Variants in DCAKD observed in about 807,000 individuals in gnomAD.
DCAKD encodes dephospho-CoA kinase domain-containing protein.
Under a neutral mutation model 18.7 loss-of-function variants are expected in DCAKD, and 15 were observed. The ratio of observed to expected loss-of-function variants is 0.80; its 90% confidence interval spans 0.54 to 1.24. DCAKD has a LOEUF of 1.24. Ranked by LOEUF, DCAKD falls within the 50% of genes most tolerant of loss-of-function variation. The pLI is 0.00. For synonymous variants in DCAKD, 130 were observed against 133.0 expected (o/e 0.98, Z 0.16); for missense variants, 301 against 322.0 (o/e 0.93, Z 0.50).
intron 3 of DCAKD, among the ~76,000 whole-genome samples, chr17:45,032,989 C>T (rs1447327574): frequency 6.6e-6 from 1 of 152,190 alleles, no homozygotes; most frequent in Non-Finnish European, 1.5e-5. Flanking sequence ...CCTCCCACTT[C>T]TGGTGACTGA....
rs1266863433 is a variant in DCAKD, at chr17:45,030,185, G to A, written c.317-6C>T. 1.9e-6 allele frequency: 3 copies of A among 1,613,800 alleles called. No individual in the cohort carries two copies. The highest frequency in any genetic ancestry group is 2.2e-5 in the East Asian group (1 of 44,870). On this transcript the variant is annotated splice_region_variant and splice_polypyrimidine_tract_variant and intron_variant, in intron 3 of 4. Transcript: ENST00000651974. Reference sequence around the variant, plus strand: ...CAGAATCACGTAGCGGTATCCTGGGGAGAGGTTGGAAATCCCCCAAGTTCA... The same window carrying A: ...CAGAATCACGTAGCGGTATCCTGGGAAGAGGTTGGAAATCCCCCAAGTTCA...
At chr17:45,033,952 C>T (rs765861818) in intron 3 of DCAKD, 17 of 1,560,828 alleles carry the variant, frequency 1.1e-5, no homozygotes, top group Admixed American at 3.6e-5. Context: ...GCTCATGGCT[C>T]GAAAGCCTCA....
rs140561456 is a variant in DCAKD, at chr17:45,030,033, G to A, written c.404+59C>T. 793 of 1,472,624 alleles carry A rather than the reference G, an allele frequency of 5.4e-4. 5 individuals are homozygous for A. The African/African-American group carries it at 9.4e-3, about 17-fold the overall frequency. The allele number at this position is 1,472,624 out of a possible 1,614,324, so 91.2% of individuals were successfully genotyped here. On this transcript the variant is annotated intron_variant, in intron 4 of 4. Coordinates refer to ENST00000651974, the MANE Select transcript of DCAKD (RefSeq NM_001288655.2). ...AAGGGCAAAGTGCAAAATGATGTGG[G>A]CTGTTTCCCAGATACCCCCATGGTC...
At chr17:45,034,719 C>A in intron 2 of DCAKD, 55 bp downstream of exon 2, 1 of 1,570,754 alleles carries the variant, frequency 6.4e-7, no homozygotes. Context: ...TGGCAGAAGG[C>A]CGGAAGCGTG....
In DCAKD at chr17:45,026,862, C is replaced by T. The variant is rs1351993651; in HGVS notation, c.405-2138G>A. On this transcript the variant is annotated intron_variant, in intron 4 of 4. Coordinates refer to ENST00000651974, the MANE Select transcript of DCAKD (RefSeq NM_001288655.2). Reference sequence around the variant, plus strand: ...GTGTGAGATTAGAGATGGCCTGGGGCTCCCAGTAGGTGCACATCCTCCTGA... The same window carrying T: ...GTGTGAGATTAGAGATGGCCTGGGGTTCCCAGTAGGTGCACATCCTCCTGA... 8 of 980,746 alleles carry T rather than the reference C, an allele frequency of 8.2e-6. No individual in the cohort carries two copies. The East Asian group carries it at 4.5e-4, about 56-fold the overall frequency. 60.8% of individuals were successfully genotyped at this position (980,746 alleles called of 1,614,324 possible). A position where few individuals can be genotyped will look rare whatever the true frequency, so the allele number is the denominator to read the frequency against.
At chr17:45,047,621 C>T (rs753720023) in intron 1 of DCAKD, among the ~76,000 whole-genome samples, 1 of 151,550 alleles carries the variant, frequency 6.6e-6, no homozygotes, top group Non-Finnish European at 1.5e-5. Flanking sequence ...TCTCCTGCCT[C>T]AGCCTCCCCA....
At chr17:45,055,719 C>G (rs758413048), upstream of DCAKD, among the ~76,000 whole-genome samples, 24 of 152,208 alleles carry the variant, frequency 1.6e-4, no homozygotes, top group Non-Finnish European at 2.1e-4. Flanking sequence ...CTGTGCTCCC[C>G]ACTTTCTTAG....
upstream of DCAKD, among the ~76,000 whole-genome samples, chr17:45,053,137 C>T (rs2053739938): frequency 7.9e-6 from 1 of 126,192 alleles, no homozygotes; most frequent in African/African-American, 3.3e-5. Flanking sequence ...GCACTCCAGC[C>T]TGGGAGACTA....
rs142488295 is a variant in DCAKD at position 45,037,309 on chromosome 17, AAAT to A, written c.-114-2313_-114-2311del. 7.4e-3 allele frequency among the ~76,000 whole-genome samples: 1,127 copies of A among 152,210 alleles called. 15 individuals are homozygous for A. The highest frequency in any genetic ancestry group is 0.026 in the African/African-American group (1,082 of 41,522). ...AGCAAGGCTCTCTCTCTATTAAAAA[AAAT>A]AATAATTTCTCCTCCATCTCTCTGA... On this transcript the variant is annotated intron_variant, in intron 1 of 4. Coordinates refer to ENST00000651974, the MANE Select transcript of DCAKD (RefSeq NM_001288655.2).
At position 45,028,951 on chromosome 17, in the gene DCAKD, C is replaced by G. The variant is rs145360683; in HGVS notation, c.404+1141G>C. On this transcript the variant is annotated intron_variant, in intron 4 of 4. Transcript: ENST00000651974. Reference sequence around the variant, plus strand: ...AACTCCTGACCTCAGGTAATCCACCCACCTCGGCCTCCCAAAGTGCTGGGA... The same window carrying G: ...AACTCCTGACCTCAGGTAATCCACCGACCTCGGCCTCCCAAAGTGCTGGGA... Among the ~76,000 whole-genome samples, 1,274 of 146,386 alleles carry G rather than the reference C, an allele frequency of 8.7e-3. 13 individuals carry two copies. Among genetic ancestry groups the G allele is most frequent in the African/African-American group, 0.03 (1,206 of 39,588 alleles).
At chr17:45,050,716 A>C (rs1051014640) in intron 1 of DCAKD, among the ~76,000 whole-genome samples, 4 of 151,862 alleles carry the variant, frequency 2.6e-5, no homozygotes, top group Admixed American at 6.5e-5. Context: ...GACATAAAAC[A>C]TATTCAAAGG....
At position 45,030,082 on chromosome 17, in the gene DCAKD, A is replaced by G. The variant is rs779390345; in HGVS notation, c.404+10T>C. ...TCCTCCCTTCCAGCCAGGGCATGCT[A>G]CACACTCACCAGTATACTACCACGG... On this transcript the variant is annotated intron_variant, in intron 4 of 4. Coordinates refer to ENST00000651974, the MANE Select transcript of DCAKD (RefSeq NM_001288655.2). The G allele has an allele frequency of 3.9e-6, 4 of 1,029,758 alleles. No homozygotes were observed. Among genetic ancestry groups the G allele is most frequent in the Non-Finnish European group, 5.4e-6 (4 of 738,834 alleles). The allele number at this position is 1,029,758 out of a possible 1,614,324, so 63.8% of individuals were successfully genotyped here.
At chr17:45,039,267 C>T (rs1004960450) in intron 1 of DCAKD, among the ~76,000 whole-genome samples, 4 of 152,210 alleles carry the variant, frequency 2.6e-5, no homozygotes, top group African/African-American at 4.8e-5. Context: ...CATGAACAAA[C>T]GACCACCTTT....
At chr17:45,057,988 G>A (rs1445619435) in intron 1 of DCAKD, among the ~76,000 whole-genome samples, 2 of 137,748 alleles carry the variant, frequency 1.5e-5, no homozygotes, top group Non-Finnish European at 3.1e-5. Context: ...TCCAACTTGG[G>A]TGACAGTGAG....
In DCAKD at chr17:45,024,102, C is replaced by A; in HGVS notation, c.*331G>T. On this transcript the variant is annotated 3_prime_UTR_variant, in exon 5 of 5. Coordinates refer to ENST00000651974, the MANE Select transcript of DCAKD (RefSeq NM_001288655.2). ...AGGGCCACAGAGCCAGTATTCCCTA[C>A]CCCCACCCACAGAAATGTATAGCAG... The A allele has an allele frequency of 3.8e-6, 1 of 264,644 alleles. No individual in the cohort carries two copies. The highest frequency in any genetic ancestry group is 9.3e-5 in the South Asian group (1 of 10,774). The allele number at this position is 264,644 out of a possible 1,614,324, so 16.4% of individuals were successfully genotyped here.
intron 4 of DCAKD, among the ~76,000 whole-genome samples, chr17:45,027,432 C>T (rs2053077591): frequency 6.6e-6 from 1 of 152,226 alleles, no homozygotes; most frequent in Admixed American, 6.5e-5. Context: ...TTAAAGAAAT[C>T]CACAAGGGAG....
chr17:45,045,108 A>G (rs761064544), intron 1 of DCAKD, among the ~76,000 whole-genome samples: 64 of 150,082 alleles, frequency 4.3e-4, no homozygotes, highest in Admixed American at 1.8e-3. Context: ...CTAGATATCT[A>G]TAGGCACCTT....
chr17:45,030,000 C>G, intron 4 of DCAKD, 92 bp downstream of exon 4: 5 of 1,218,940 alleles, frequency 4.1e-6, no homozygotes, highest in Non-Finnish European at 6.1e-6. Context: ...TTGGCCGCCC[C>G]GTGGGGAAAG....
chr17:45,060,971 C>T, exon 1 of DCAKD: 1 of 1,023,254 alleles, frequency 9.8e-7, no homozygotes, highest in East Asian at 9.2e-5. Context: ...GAAATCAAAC[C>T]TCGGATTTTG....
Sources: gnomAD v4.1 joint callset for allele counts (sites outside exome capture counted in the v4.1 genomes callset) on GRCh38, gnomAD v4.1.1 for gene constraint, MANE v1.5 for transcripts, NCBI Gene and HGNC (gene_info 2026-07-23, HGNC 2026-07-21) for gene names.